The following TRAK2 variants were observed in gnomAD, a reference collection of about 807,000 sequenced individuals.
TRAK2 encodes the protein trafficking kinesin protein 2, also known as trafficking kinesin-binding protein 2.
TRAK2 carries 81 observed loss-of-function variants against 104.6 expected under a neutral mutation model. The observed-to-expected ratio is 0.77, with a 90% CI of 0.65 to 0.93. The LOEUF is 0.93. Among genes scored for constraint, TRAK2 ranks in the 40% least tolerant of loss-of-function variants. The probability of loss-of-function intolerance (pLI) is 0.00; values close to 1 mark genes in which losing one functional copy is unlikely to be tolerated. For missense variants in TRAK2, 1,002 were observed against 1,089.0 expected, an observed-to-expected ratio of 0.92 and a Z score of 1.12; for synonymous variants, 406 against 394.4, an observed-to-expected ratio of 1.03 and a Z score of -0.35.
In TRAK2 at chr2:201,387,809, G is replaced by C. The variant is rs763354950; in HGVS notation, c.1590C>G (p.Ser530Arg). The C allele has an allele frequency of 6.2e-7, 1 of 1,613,998 alleles. No individual in the cohort carries two copies. The highest frequency in any genetic ancestry group is 1.3e-5 in the African/African-American group (1 of 74,940). ...ACTGGGTGGTGCAGAGAGAGGCAAG[G>C]CTCTCTGTCGGGGTGACACAGCCAC... is the stretch of plus-strand genomic sequence containing the variant. ...GVSGCVTPTESLASLCTTQSE... is the reference protein window; with the variant it reads ...GVSGCVTPTERLASLCTTQSE... The change falls in exon 13 of 16, where the codon AGC becomes AGG. Residue 530 changes from serine (S) to arginine (R), a missense_variant. Coordinates refer to ENST00000332624, the MANE Select transcript of TRAK2 (RefSeq NM_015049.3).
Position 201,380,664 on chromosome 2 carries a change from T to C in TRAK2, c.2624A>G (p.Asn875Ser), listed in dbSNP as rs1951332837. 24 of 1,613,944 alleles carry C rather than the reference T, an allele frequency of 1.5e-5. No homozygotes were observed. Among genetic ancestry groups the C allele is most frequent in the African/African-American group, 2.7e-5 (2 of 74,894 alleles). Residue 875 changes from asparagine to serine, a missense_variant, in exon 16 of 16, where the codon AAT becomes AGT. Transcript: ENST00000332624. ...PQKPDSAVYLNSGSSLLGGLR... is the reference protein window; with the variant it reads ...PQKPDSAVYLSSGSSLLGGLR... The stretch of plus-strand genomic sequence containing the variant: ...TCCACCTAATAAACTGCTACCTGAA[T>C]TTAAATAAACAGCAGAATCTGGTTT...
intron 2 of TRAK2, chr2:201,412,685 C>A: frequency 6.6e-7 from 1 of 1,507,516 alleles, no homozygotes; most frequent in Non-Finnish European, 9.2e-7. Context: ...AATTTAGGCT[C>A]TTGTTCAGAA....
At chr2:201,425,098 C>CA (rs1361346775) in intron 1 of TRAK2, among the ~76,000 whole-genome samples, 3 of 152,214 alleles carry the variant, frequency 2.0e-5, no homozygotes, top group Non-Finnish European at 4.4e-5. Flanking sequence ...CATGCTACAA[C>CA]AGCAGAGCTT....
chr2:201,419,938 G>A (rs1559449294), intron 2 of TRAK2, among the ~76,000 whole-genome samples: 1 of 152,160 alleles, frequency 6.6e-6, no homozygotes, highest in Non-Finnish European at 1.5e-5. Flanking sequence ...CCAAAGTCTG[G>A]TTTGGTGGGC....
intron 3 of TRAK2, among the ~76,000 whole-genome samples, chr2:201,404,838 T>A (rs1314238955): frequency 6.6e-6 from 1 of 152,168 alleles, no homozygotes; most frequent in Non-Finnish European, 1.5e-5. Context: ...CTACAATAGC[T>A]CCTGACACCT....
chr2:201,407,436 G>C lies in TRAK2; in HGVS notation c.253C>G (p.Pro85Ala). Residue 85 changes from proline to alanine, a missense_variant, in exon 3 of 16, where the codon CCA becomes GCA. Physicochemically the swap from Pro to Ala is conservative, Grantham distance 27. Coordinates refer to ENST00000332624, the MANE Select transcript of TRAK2 (RefSeq NM_015049.3). ...QRQHASDALS[P>A]VLAEETFRYM... ...CGGAAAGTCTCTTCAGCAAGGACTG[G>C]AGAGAGAGCATCAGATGCATGCTGC... 6 of 1,614,032 alleles carry C rather than the reference G, an allele frequency of 3.7e-6. No individual in the cohort carries two copies. Among genetic ancestry groups the C allele is most frequent in the Non-Finnish European group, 4.2e-6 (5 of 1,179,928 alleles).
At chr2:201,423,439 G>C (rs899143835) in intron 1 of TRAK2, 1 of 152,158 alleles carries the variant, frequency 6.6e-6, no homozygotes, top group African/African-American at 2.4e-5. Context: ...GAACTAGGGA[G>C]AGGGGAGAAT....
intron 10 of TRAK2, 69 bp from the exon 11 acceptor site, chr2:201,389,949 A>G: frequency 1.6e-6 from 2 of 1,227,606 alleles, no homozygotes; most frequent in South Asian, 1.4e-5. Flanking sequence ...CTACAATCCT[A>G]TACTTTTGGT....
At position 201,380,489 on chromosome 2, in the gene TRAK2, C is replaced by CA. The variant is rs1280372707; in HGVS notation, c.*53dup. 19 of 1,531,080 alleles carry CA rather than the reference C, an allele frequency of 1.2e-5. No homozygotes were observed. Among genetic ancestry groups the CA allele is most frequent in the Non-Finnish European group, 1.7e-5 (19 of 1,117,778 alleles). The allele number at this position is 1,531,080 out of a possible 1,614,324, so 94.8% of individuals were successfully genotyped here. On this transcript the variant is annotated 3_prime_UTR_variant, in exon 16 of 16. Transcript: ENST00000332624. ...TCAGACCAGACCACATGTTTCAGTG[C>CA]ATATCTATCCTTCATGTGCTAACTT...
chr2:201,397,509 T>C lies in TRAK2; in HGVS notation c.762A>G (p.Lys254=). 1.2e-6 allele frequency: 2 copies of C among 1,611,800 alleles called. No individual in the cohort carries two copies. The highest frequency in any genetic ancestry group is 2.2e-5 in the South Asian group (2 of 90,872). The change falls in exon 7 of 16, where the codon AAA becomes AAG. Residue 254 remains lysine (K), a synonymous_variant. Transcript: ENST00000332624. ...GAATATGTTAATACTCACGAAGTTC[T>C]TTAACACAGTCGCTGACAAGCTGTT... ...KEQQLVSDCV[K]ELRETNAQMS...
At chr2:201,394,293 C>T (rs781499528) in intron 9 of TRAK2, among the ~76,000 whole-genome samples, 7 of 151,816 alleles carry the variant, frequency 4.6e-5, no homozygotes, top group African/African-American at 1.7e-4. Context: ...AAGGATGTTA[C>T]CACGTTACTA....
At chr2:201,419,141 A>C (rs1951718384) in intron 2 of TRAK2, 1 of 152,234 alleles carries the variant, frequency 6.6e-6, no homozygotes, top group Non-Finnish European at 1.5e-5. Context: ...CATCAGGAAA[A>C]TATAAACTAA....
chr2:201,425,536 G>C (rs1371429655), intron 1 of TRAK2, among the ~76,000 whole-genome samples: 3 of 152,028 alleles, frequency 2.0e-5, no homozygotes, highest in African/African-American at 7.2e-5. Context: ...CAAGTAGCTC[G>C]TATTACAGCT....
intron 9 of TRAK2, among the ~76,000 whole-genome samples, 161 bp from the exon 10 acceptor site, chr2:201,393,207 C>G (rs3815515): frequency 6.6e-5 from 10 of 151,730 alleles, no homozygotes; most frequent in Non-Finnish European, 1.5e-4. Context: ...AAGCAAGAAG[C>G]GTATATATAT....
At chr2:201,386,113 TTAAG>T in intron 14 of TRAK2, 101 bp downstream of exon 14, 2 of 1,237,578 alleles carry the variant, frequency 1.6e-6, no homozygotes, top group South Asian at 2.8e-5. Flanking sequence ...ATATGCAAGA[TTAAG>T]TACCCTCCAG....
At chr2:201,406,522 T>C (rs1314289661) in intron 3 of TRAK2, among the ~76,000 whole-genome samples, 1 of 152,202 alleles carries the variant, frequency 6.6e-6, no homozygotes, top group Non-Finnish European at 1.5e-5. Flanking sequence ...GTGATTACTA[T>C]GAAAATGAGT....
At chr2:201,441,555 T>C (rs1382227379) in intron 1 of TRAK2, among the ~76,000 whole-genome samples, 1 of 152,178 alleles carries the variant, frequency 6.6e-6, no homozygotes, top group African/African-American at 2.4e-5. Flanking sequence ...AAGTTAAGAA[T>C]GGTTGAAATG....
At chr2:201,421,062 T>C (rs980869587) in intron 1 of TRAK2, among the ~76,000 whole-genome samples, 2 of 152,224 alleles carry the variant, frequency 1.3e-5, no homozygotes, top group Admixed American at 6.5e-5. Flanking sequence ...GTGGTTAAAT[T>C]GTACACTTGA....
At chr2:201,415,064 C>A (rs1951680271) in intron 2 of TRAK2, among the ~76,000 whole-genome samples, 1 of 148,930 alleles carries the variant, frequency 6.7e-6, no homozygotes, top group Admixed American at 6.8e-5. Context: ...CTTGACAACT[C>A]CTTCTCTACC....
Sources: allele counts gnomAD v4.1 joint callset (sites outside exome capture counted in the v4.1 genomes callset), GRCh38; gene constraint gnomAD v4.1.1; transcripts MANE v1.5; gene names NCBI Gene and HGNC (gene_info 2026-07-23, HGNC 2026-07-21).